MEF2C: variants seen among roughly 807,000 people sequenced by gnomAD.
The protein encoded by MEF2C is myocyte-specific enhancer factor 2C.
Under a neutral mutation model 50.5 loss-of-function variants are expected in MEF2C, and 6 were observed. That is an observed-to-expected ratio of 0.12 (90% CI 0.07 to 0.23). The LOEUF (loss-of-function observed/expected upper bound fraction) is 0.23. Ranked by LOEUF, MEF2C falls within the 10% of genes least tolerant of loss-of-function variation. The pLI is 1.00. For synonymous variants in MEF2C, 183 were observed against 228.0 expected (o/e 0.80, Z 1.78); for missense variants, 276 against 605.0 (o/e 0.46, Z 5.70).
chr5:88,823,924 G>A lies in MEF2C; in HGVS notation c.-136C>T, dbSNP rs989676589. On this transcript the variant is annotated 5_prime_UTR_variant, in exon 2 of 11. It adds an upstream start codon to the 5' untranslated region. Coordinates refer to ENST00000504921, the MANE Select transcript of MEF2C (RefSeq NM_002397.5). ...GCTCAGTTCCCAAATTCCTGCATTCGTTCCTGCTGAACAAAAAAGAAAAAT... is the reference window on the plus strand; with the variant it reads ...GCTCAGTTCCCAAATTCCTGCATTCATTCCTGCTGAACAAAAAAGAAAAAT... 5 of 1,449,662 alleles carry A rather than the reference G, an allele frequency of 3.4e-6. No individual in the cohort carries two copies. The highest frequency in any genetic ancestry group is 1.4e-5 in the African/African-American group (1 of 69,764). 89.8% of individuals were successfully genotyped at this position (1,449,662 alleles called of 1,614,324 possible). A position where few individuals can be genotyped will look rare whatever the true frequency, so the allele number is the denominator to read the frequency against.
At chr5:88,789,907 T>C (rs953878902) in intron 3 of MEF2C, among the ~76,000 whole-genome samples, 2 of 152,236 alleles carry the variant, frequency 1.3e-5, no homozygotes, top group African/African-American at 4.8e-5. Context: ...ATTAAGTCTT[T>C]TCCCAGAATG....
intron 3 of MEF2C, chr5:88,772,439 C>T (rs979358274): frequency 1.3e-5 from 2 of 152,368 alleles, no homozygotes; most frequent in Non-Finnish European, 2.9e-5. Context: ...TGACCCTGGC[C>T]CACTTTTCTC....
chr5:88,719,998 A>G lies in MEF2C; in HGVS notation c.*2606T>C, dbSNP rs1755747755. The G allele has an allele frequency of 6.6e-6, 1 of 152,202 alleles. No homozygotes were observed. The highest frequency in any genetic ancestry group is 2.4e-5 in the African/African-American group (1 of 41,466). The allele number at this position is 152,202 out of a possible 1,614,324, so 9.4% of individuals were successfully genotyped here. On this transcript the variant is annotated 3_prime_UTR_variant, in exon 11 of 11. Coordinates refer to ENST00000504921, the MANE Select transcript of MEF2C (RefSeq NM_002397.5). ...TTGTTGCTGAGGCAAATTGCAGGTT[A>G]AAAAACTAATATGGCTATTTCTTCA... is the stretch of plus-strand genomic sequence containing the variant.
chr5:88,804,854 G>GT (rs765986750), intron 2 of MEF2C, 53 bp from the exon 3 acceptor site: 3 of 1,458,066 alleles, frequency 2.1e-6, no homozygotes, highest in Non-Finnish European at 2.8e-6. Flanking sequence ...TGCATGTGTG[G>GT]TTTTTTTCTT....
chr5:88,839,099 C>T (rs942205963), intron 1 of MEF2C: 1 of 152,122 alleles, frequency 6.6e-6, no homozygotes, highest in African/African-American at 2.4e-5. Context: ...TGTAGCCTTG[C>T]TCTATCAGAG....
At chr5:88,791,672 T>C (rs1177413419) in intron 3 of MEF2C, among the ~76,000 whole-genome samples, 3 of 152,120 alleles carry the variant, frequency 2.0e-5, no homozygotes, top group Admixed American at 6.5e-5. Context: ...TCAAATTTGA[T>C]CTATACAAAT....
rs1755930809 is a variant in MEF2C, at chr5:88,720,438, A to G, written c.*2166T>C. On this transcript the variant is annotated 3_prime_UTR_variant, in exon 11 of 11. Transcript: ENST00000504921. ...TGGTCTAATTGTGGATTTCAGATCA[A>G]GTTAAGAAAAATATAGCCTAGTTAA... 2 of 152,550 alleles carry G rather than the reference A, an allele frequency of 1.3e-5. No individual in the cohort carries two copies. Among genetic ancestry groups the G allele is most frequent in the South Asian group, 4.1e-4 (2 of 4,830 alleles). The allele number at this position is 152,550 out of a possible 1,614,324, so 9.4% of individuals were successfully genotyped here. A position where few individuals can be genotyped will look rare whatever the true frequency, so the allele number is the denominator to read the frequency against.
chr5:88,856,909 T>A (rs1823628208), intron 1 of MEF2C, among the ~76,000 whole-genome samples: 2 of 152,234 alleles, frequency 1.3e-5, no homozygotes, highest in Non-Finnish European at 2.9e-5. Flanking sequence ...CATCTGTGTT[T>A]CCACTGGGGC....
intron 1 of MEF2C, among the ~76,000 whole-genome samples, chr5:88,840,911 C>T (rs1373570192): frequency 6.6e-6 from 1 of 152,218 alleles, no homozygotes; most frequent in South Asian, 2.1e-4. Flanking sequence ...ATCCTTTTTC[C>T]TTCACACTTT....
intron 1 of MEF2C, among the ~76,000 whole-genome samples, chr5:88,896,040 C>A (rs1209248107): frequency 6.6e-6 from 1 of 152,166 alleles, no homozygotes; most frequent in Non-Finnish European, 1.5e-5. Flanking sequence ...GTCCCTCCCA[C>A]CAGCAGCCAC....
At chr5:88,746,411 C>G in intron 6 of MEF2C, 1 of 609,854 alleles carries the variant, frequency 1.6e-6, no homozygotes, top group Non-Finnish European at 2.0e-6. Flanking sequence ...AATTTACTTC[C>G]TTGCCTCATG....
intron 1 of MEF2C, among the ~76,000 whole-genome samples, chr5:88,901,104 T>A (rs578101295): frequency 7.2e-5 from 11 of 152,002 alleles, no homozygotes; most frequent in Non-Finnish European, 1.6e-4. Flanking sequence ...AAGGGATCAA[T>A]AAGAAAAAGA....
At chr5:88,810,710 CA>C (rs1048253372) in intron 2 of MEF2C, among the ~76,000 whole-genome samples, 27 of 152,158 alleles carry the variant, frequency 1.8e-4, no homozygotes, top group South Asian at 4.1e-4. Flanking sequence ...TTAAGTTTAT[CA>C]AAAAGTCTCT....
intron 1 of MEF2C, among the ~76,000 whole-genome samples, chr5:88,829,937 C>A (rs769885621): frequency 6.6e-6 from 1 of 151,966 alleles, no homozygotes; most frequent in Non-Finnish European, 1.5e-5. Context: ...GGGAACATGG[C>A]CTGCTGCTCG....
intron 3 of MEF2C, chr5:88,772,662 T>G: frequency 1.2e-6 from 1 of 864,906 alleles, no homozygotes. Context: ...ATTTATGGTA[T>G]CCTCAACTTC....
chr5:88,824,307 T>A lies in MEF2C; in HGVS notation c.-142-377A>T, dbSNP rs941795319. On this transcript the variant is annotated intron_variant, in intron 1 of 10. Coordinates refer to ENST00000504921, the MANE Select transcript of MEF2C (RefSeq NM_002397.5). ...ATCAGAGAGTTAATGAACCTTTATG[T>A]ACCTGTGTATGCTAAGTAGGGCAGC... 4 of 985,260 alleles carry A rather than the reference T, an allele frequency of 4.1e-6. No individual in the cohort carries two copies. In the African/African-American group the frequency reaches 7.0e-5, roughly 17 times the overall value. 61.0% of individuals were successfully genotyped at this position (985,260 alleles called of 1,614,324 possible).
At chr5:88,743,960 T>C in intron 6 of MEF2C, 1 of 932,088 alleles carries the variant, frequency 1.1e-6, no homozygotes, top group Non-Finnish European at 1.3e-6. Context: ...TACTGTCAAA[T>C]AGCTATGTAG....
At chr5:88,779,395 T>G (rs1006473849) in intron 3 of MEF2C, among the ~76,000 whole-genome samples, 1 of 152,144 alleles carries the variant, frequency 6.6e-6, no homozygotes, top group Non-Finnish European at 1.5e-5. Context: ...TTAAGGCAGG[T>G]GGCTGGGAGA....
At chr5:88,739,282 T>A in intron 6 of MEF2C, 1 of 984,030 alleles carries the variant, frequency 1.0e-6, no homozygotes, top group South Asian at 4.7e-5. Context: ...AACACACAGC[T>A]GGACCTCTGA....
Sources: gnomAD v4.1 joint callset for allele counts (sites outside exome capture counted in the v4.1 genomes callset) on GRCh38, gnomAD v4.1.1 for gene constraint, MANE v1.5 for transcripts, NCBI Gene and HGNC (gene_info 2026-07-23, HGNC 2026-07-21) for gene names.